The following EYA3 variants were observed in gnomAD, a reference collection of about 807,000 sequenced individuals.
The protein encoded by EYA3 is protein phosphatase EYA3.
EYA3 carries 39 observed loss-of-function variants against 80.0 expected under a neutral mutation model. That is an observed-to-expected ratio of 0.49 (90% confidence interval 0.38 to 0.64). EYA3 has a LOEUF of 0.64. EYA3 is among the 30% of genes least tolerant of loss of function. EYA3 has a pLI of 0.00. For missense variants in EYA3, 523 were observed against 676.1 expected (o/e 0.77, Z 2.51); for synonymous variants, 206 against 232.8 (o/e 0.88, Z 1.05).
intron 9 of EYA3, 77 bp from the exon 10 acceptor site, chr1:28,011,163 C>T (rs1641671283): frequency 2.7e-6 from 4 of 1,476,002 alleles, no homozygotes; most frequent in South Asian, 2.6e-5. Context: ...GGTTAGTGGA[C>T]TCTCTGCCCT....
chr1:28,053,197 A>G (rs1242065133), intron 2 of EYA3, among the ~76,000 whole-genome samples: 1 of 151,322 alleles, frequency 6.6e-6, no homozygotes, highest in Non-Finnish European at 1.5e-5. Flanking sequence ...GAAAAAAGGA[A>G]GATGCCTTAA....
At chr1:28,050,607 G>A (rs769003818) in intron 2 of EYA3, among the ~76,000 whole-genome samples, 1 of 152,030 alleles carries the variant, frequency 6.6e-6, no homozygotes, top group Non-Finnish European at 1.5e-5. Context: ...TAAATAGAAA[G>A]GGAGAAAATG....
intron 1 of EYA3, among the ~76,000 whole-genome samples, chr1:28,076,679 A>AAAG (rs1557650676): frequency 1.6e-5 from 1 of 64,108 alleles, no homozygotes; most frequent in African/African-American, 5.2e-5. Context: ...AAAAAAAAAA[A>AAAG]AAAGAAAGAA....
chr1:28,081,241 CT>C (rs1303019384), intron 1 of EYA3, among the ~76,000 whole-genome samples: 2 of 152,112 alleles, frequency 1.3e-5, no homozygotes, highest in African/African-American at 4.8e-5. Flanking sequence ...GTTTATCTAC[CT>C]ATTAAATGCC....
chr1:27,986,586 A>G (rs1639672803), intron 16 of EYA3, among the ~76,000 whole-genome samples: 1 of 151,924 alleles, frequency 6.6e-6, no homozygotes, highest in Admixed American at 6.6e-5. Context: ...TAGTAGAGAC[A>G]GAGTTTCACC....
chr1:28,047,144 T>C (rs982114100), intron 3 of EYA3, among the ~76,000 whole-genome samples: 1 of 130,138 alleles, frequency 7.7e-6, no homozygotes, highest in Admixed American at 7.3e-5. Flanking sequence ...GTTAAGTTCC[T>C]TTTTTTTTTT....
chr1:28,000,138 C>T (rs759850523), intron 11 of EYA3, 89 bp from the exon 12 acceptor site: 63 of 795,124 alleles, frequency 7.9e-5, no homozygotes, highest in Non-Finnish European at 1.2e-4. Context: ...TAGGTCAAGG[C>T]CAAAACACAC....
intron 1 of EYA3, among the ~76,000 whole-genome samples, chr1:28,066,104 G>C (rs755362248): frequency 6.6e-6 from 1 of 152,144 alleles, no homozygotes. Context: ...GTGAGTAACA[G>C]GCGGGAAGTG....
intron 2 of EYA3, among the ~76,000 whole-genome samples, chr1:28,053,340 A>C (rs1441951727): frequency 3.3e-5 from 5 of 152,152 alleles, no homozygotes; most frequent in African/African-American, 1.2e-4. Context: ...AAAATGACAT[A>C]ATCCTATGGG....
At chr1:27,981,068 A>G (rs1407492386) in intron 16 of EYA3, among the ~76,000 whole-genome samples, 2 of 152,196 alleles carry the variant, frequency 1.3e-5, no homozygotes, top group Non-Finnish European at 2.9e-5. Flanking sequence ...AACAAAAAAA[A>G]CTTCTGACAT....
chr1:27,983,292 G>GTA (rs972013541), intron 16 of EYA3, among the ~76,000 whole-genome samples: 22 of 152,266 alleles, frequency 1.4e-4, no homozygotes, highest in Non-Finnish European at 2.4e-4. Context: ...CTGCTCTAAA[G>GTA]TATATATATA....
intron 2 of EYA3, among the ~76,000 whole-genome samples, chr1:28,050,875 A>C (rs1370250016): frequency 6.6e-6 from 1 of 152,252 alleles, no homozygotes; most frequent in Non-Finnish European, 1.5e-5. Flanking sequence ...AGAAACTGAC[A>C]GAAAATGATT....
intron 7 of EYA3, among the ~76,000 whole-genome samples, chr1:28,020,638 C>G (rs1642367281): frequency 7.0e-6 from 1 of 143,282 alleles, no homozygotes; most frequent in Non-Finnish European, 1.5e-5. Context: ...GACTAAAAAG[C>G]CAGGCACTTT....
At position 27,996,303 on chromosome 1, in the gene EYA3, A is replaced by C. The variant is rs185881329; in HGVS notation, c.1142+1017T>G. ...AAAAATGACTGAACAACTTGGTTCA[A>C]TCAAAAGTTAAAATAGATCCCAATA... is the stretch of plus-strand genomic sequence containing the variant. On this transcript the variant is annotated intron_variant, in intron 13 of 17. Transcript: ENST00000373871. 5.9e-5 allele frequency among the ~76,000 whole-genome samples: 9 copies of C among 152,364 alleles called. No homozygotes were observed. The East Asian group carries it at 1.7e-3, about 29-fold the overall frequency.
chr1:28,023,176 C>A lies in EYA3; in HGVS notation c.499+4613G>T, dbSNP rs373307619. ...AGAGCTCCCAGTGGCCAAACTGGAA[C>A]AAAATAAATAAAGTAGTATTGGATT... On this transcript the variant is annotated intron_variant, in intron 7 of 17. Coordinates refer to ENST00000373871, the MANE Select transcript of EYA3 (RefSeq NM_001990.4). Among the ~76,000 whole-genome samples the A allele has an allele frequency of 1.7e-4, 26 of 151,552 alleles. No individual in the cohort carries two copies. In the East Asian group the frequency reaches 4.7e-3, roughly 27 times the overall value.
rs778295569 is a variant in EYA3, at chr1:28,001,126, A to G, written c.994-1077T>C. Among the ~76,000 whole-genome samples, 3 of 149,990 alleles carry G rather than the reference A, an allele frequency of 2.0e-5. No homozygotes were observed. In the South Asian group the frequency reaches 6.2e-4, roughly 31 times the overall value. On this transcript the variant is annotated intron_variant, in intron 11 of 17. Transcript: ENST00000373871. Reference sequence around the variant, plus strand: ...TCTATATCACTGTATATATTTATATAAGATATATACATTATATATACACAG... The same window carrying G: ...TCTATATCACTGTATATATTTATATGAGATATATACATTATATATACACAG...
intron 1 of EYA3, among the ~76,000 whole-genome samples, chr1:28,073,903 G>A (rs1356653547): frequency 6.6e-6 from 1 of 152,130 alleles, no homozygotes; most frequent in Non-Finnish European, 1.5e-5. Flanking sequence ...TTCTATGACT[G>A]TAATACAAAC....
intron 16 of EYA3, among the ~76,000 whole-genome samples, chr1:27,981,236 ACT>A (rs1639280659): frequency 6.6e-6 from 1 of 152,324 alleles, no homozygotes; most frequent in Non-Finnish European, 1.5e-5. Flanking sequence ...CAAGCCTCCT[ACT>A]GTGGTTACCA....
chr1:28,007,403 C>T (rs1014672114), intron 10 of EYA3, among the ~76,000 whole-genome samples: 1 of 148,984 alleles, frequency 6.7e-6, no homozygotes, highest in African/African-American at 2.5e-5. Context: ...GGTACGATCT[C>T]GGCTCACTGC....
Sources: allele counts gnomAD v4.1 joint callset (sites outside exome capture counted in the v4.1 genomes callset), GRCh38; gene constraint gnomAD v4.1.1; transcripts MANE v1.5; gene names NCBI Gene and HGNC (gene_info 2026-07-23, HGNC 2026-07-21).